Variants in TIPRL observed in about 807,000 individuals in gnomAD.
TIPRL encodes TIP41-like protein.
In TIPRL, 10 loss-of-function variants were observed where a neutral mutation model predicts 32.3. The ratio of observed to expected loss-of-function variants is 0.31; its 90% CI spans 0.19 to 0.52. The LOEUF is 0.52. TIPRL is among the 20% of genes least tolerant of loss of function. The probability of loss-of-function intolerance (pLI) is 0.96; values close to 1 mark genes in which losing one functional copy is unlikely to be tolerated. For synonymous variants in TIPRL, 100 were observed against 114.0 expected, an observed-to-expected ratio of 0.88 and a Z score of 0.78; for missense variants, 250 against 328.1, an observed-to-expected ratio of 0.76 and a Z score of 1.84.
In TIPRL at chr1:168,196,527, A is replaced by AT; in HGVS notation, c.517-20_517-19insT. 7.6e-7 allele frequency: 1 copy of AT among 1,316,972 alleles called. No homozygotes were observed. The highest frequency in any genetic ancestry group is 1.0e-6 in the Non-Finnish European group (1 of 991,080). 81.6% of individuals were successfully genotyped at this position (1,316,972 alleles called of 1,614,324 possible). A position where few individuals can be genotyped will look rare whatever the true frequency, so the allele number is the denominator to read the frequency against. ...TTAATTTTTATTAAAATATTAATGT[A>AT]CCTTTTTTTTTTTTTCCAGAGAGTA... On this transcript the variant is annotated intron_variant, in intron 4 of 6. Transcript: ENST00000367833.
intron 1 of TIPRL, among the ~76,000 whole-genome samples, chr1:168,179,718 C>T (rs1699937505): frequency 2.0e-5 from 3 of 152,124 alleles, no homozygotes; most frequent in Admixed American, 2.0e-4. Context: ...CTCGAACCAT[C>T]TGGGAAATTG....
chr1:168,193,395 C>T (rs1183559563), intron 4 of TIPRL, among the ~76,000 whole-genome samples: 1 of 152,148 alleles, frequency 6.6e-6, no homozygotes, highest in East Asian at 1.9e-4. Context: ...ATTATTCTAG[C>T]ATTAGATAGT....
At chr1:168,189,928 A>G (rs2235208) in intron 3 of TIPRL, among the ~76,000 whole-genome samples, 72,724 of 152,082 alleles carry the variant, frequency 0.48, 20,622 homozygotes, top group African/African-American at 0.79. Context: ...TATGTGAAAC[A>G]TTAATGAAGC....
intron 3 of TIPRL, among the ~76,000 whole-genome samples, chr1:168,190,077 C>A (rs1042481110): frequency 6.6e-6 from 1 of 152,168 alleles, no homozygotes; most frequent in African/African-American, 2.4e-5. Flanking sequence ...GTATTTAACA[C>A]TAATTTCAGT....
chr1:168,189,474 T>G (rs919835692), intron 3 of TIPRL, among the ~76,000 whole-genome samples: 2 of 152,072 alleles, frequency 1.3e-5, no homozygotes, highest in African/African-American at 4.8e-5. Flanking sequence ...GCCTCCTGAG[T>G]AGCTGGGATT....
intron 6 of TIPRL, 90 bp from the exon 7 acceptor site, chr1:168,199,813 T>C: frequency 2.9e-6 from 4 of 1,387,522 alleles, no homozygotes; most frequent in Non-Finnish European, 3.9e-6. Context: ...TTTTAAAATT[T>C]CCATGCTTTA....
intron 6 of TIPRL, among the ~76,000 whole-genome samples, 182 bp downstream of exon 6, chr1:168,199,163 G>T (rs570182440): frequency 2.6e-4 from 39 of 152,152 alleles, no homozygotes; most frequent in African/African-American, 8.9e-4. Context: ...TCAAATACAA[G>T]AACATTTAGA....
chr1:168,179,224 G>T, intron 1 of TIPRL, 43 bp downstream of exon 1: 1 of 1,586,022 alleles, frequency 6.3e-7, no homozygotes. Context: ...GCCGGTTGCT[G>T]GCCCAGGGCG....
rs926224879 is a variant in TIPRL, at chr1:168,188,396, T to C, written c.385-2973T>C. 9.8e-5 allele frequency among the ~76,000 whole-genome samples: 15 copies of C among 152,322 alleles called. No individual in the cohort carries two copies. The Middle Eastern group carries it at 0.01, about 104-fold the overall frequency. ...TTTAGGCTTTGTGGGCCTTAGAGTCTCTGTTGCAGCAACTCAGCTGTGCTA... is the reference window on the plus strand; with the variant it reads ...TTTAGGCTTTGTGGGCCTTAGAGTCCCTGTTGCAGCAACTCAGCTGTGCTA... On this transcript the variant is annotated intron_variant, in intron 3 of 6. Coordinates refer to ENST00000367833, the MANE Select transcript of TIPRL (RefSeq NM_152902.5).
chr1:168,187,208 C>T lies in TIPRL; in HGVS notation c.384+2330C>T, dbSNP rs180854125. Among the ~76,000 whole-genome samples the T allele has an allele frequency of 3.7e-3, 563 of 152,280 alleles. 3 individuals are homozygous for T. Among genetic ancestry groups the T allele is most frequent in the Middle Eastern group, 0.017 (5 of 294 alleles). ...TACTTCATAGATTAGTGTTCTCCTC[C>T]CTCCTCTCTTCTGATTGAAAAACTT... On this transcript the variant is annotated intron_variant, in intron 3 of 6. Coordinates refer to ENST00000367833, the MANE Select transcript of TIPRL (RefSeq NM_152902.5).
At chr1:168,189,982 A>G (rs1700072539) in intron 3 of TIPRL, among the ~76,000 whole-genome samples, 1 of 152,176 alleles carries the variant, frequency 6.6e-6, no homozygotes, top group Non-Finnish European at 1.5e-5. Context: ...ATTTTGGGGG[A>G]TTCAGGAGTA....
chr1:168,197,617 T>G (rs1321297616), intron 5 of TIPRL, among the ~76,000 whole-genome samples: 1 of 152,118 alleles, frequency 6.6e-6, no homozygotes, highest in East Asian at 1.9e-4. Flanking sequence ...CTTCCTGAGT[T>G]CAAGCAATTC....
chr1:168,201,831 G>A lies in TIPRL; in HGVS notation c.*1785G>A, dbSNP rs1181090316. ...TATACAGACATTTTTTTTTTAACTT[G>A]TTGATTCAGATGTCTTGGTCCCTGA... On this transcript the variant is annotated 3_prime_UTR_variant, in exon 7 of 7. Coordinates refer to ENST00000367833, the MANE Select transcript of TIPRL (RefSeq NM_152902.5). The A allele has an allele frequency of 2.1e-5, 3 of 146,188 alleles. No homozygotes were observed. Among genetic ancestry groups the A allele is most frequent in the Non-Finnish European group, 4.5e-5 (3 of 66,618 alleles). 9.1% of individuals were successfully genotyped at this position (146,188 alleles called of 1,614,324 possible). A position where few individuals can be genotyped will look rare whatever the true frequency, so the allele number is the denominator to read the frequency against.
chr1:168,199,972 T>G lies in TIPRL; in HGVS notation c.745T>G (p.Cys249Gly), dbSNP rs748631632. The G allele has an allele frequency of 6.2e-7, 1 of 1,613,726 alleles. No individual in the cohort carries two copies. The highest frequency in any genetic ancestry group is 8.5e-7 in the Non-Finnish European group (1 of 1,179,764). Residue 249 changes from cysteine (C) to glycine (G), a missense_variant, in exon 7 of 7, where the codon TGT becomes GGT. Coordinates refer to ENST00000367833, the MANE Select transcript of TIPRL (RefSeq NM_152902.5). ...SQYLPIKEAVCEKLIFPERID... is the reference protein window; with the variant it reads ...SQYLPIKEAVGEKLIFPERID... ...GTATTTACCAATAAAGGAAGCAGTT[T>G]GTGAGAAGCTAATATTTCCAGAAAG...
intron 3 of TIPRL, 152 bp from the exon 4 acceptor site, chr1:168,191,217 A>G (rs761633374): frequency 8.2e-6 from 4 of 490,306 alleles, no homozygotes; most frequent in Admixed American, 4.3e-5. Flanking sequence ...CTGATCTTTT[A>G]TATCTACTAA....
At chr1:168,184,130 CAAAAG>C in intron 2 of TIPRL, 49 bp downstream of exon 2, 1 of 1,529,170 alleles carries the variant, frequency 6.5e-7, no homozygotes, top group African/African-American at 1.4e-5. Context: ...TTAGGTTAAA[CAAAAG>C]AGAAAAGACT....
chr1:168,179,016 G>C lies in TIPRL; in HGVS notation c.-62G>C. ...GGGCCGGAGGGAGGCGGAGGAACCG[G>C]TGTTCGCCGCCGCCGCTGCTTCAGC... On this transcript the variant is annotated 5_prime_UTR_variant, in exon 1 of 7. Coordinates refer to ENST00000367833, the MANE Select transcript of TIPRL (RefSeq NM_152902.5). 2 of 1,455,148 alleles carry C rather than the reference G, an allele frequency of 1.4e-6. No homozygotes were observed. Among genetic ancestry groups the C allele is most frequent in the Non-Finnish European group, 1.9e-6 (2 of 1,055,192 alleles). The allele number at this position is 1,455,148 out of a possible 1,614,324, so 90.1% of individuals were successfully genotyped here. A position where few individuals can be genotyped will look rare whatever the true frequency, so the allele number is the denominator to read the frequency against.
Position 168,189,192 on chromosome 1 carries a change from G to A in TIPRL, c.385-2177G>A, listed in dbSNP as rs557235391. 5.6e-4 allele frequency among the ~76,000 whole-genome samples: 85 copies of A among 152,254 alleles called. No individual in the cohort carries two copies. In the Middle Eastern group the frequency reaches 0.02, roughly 37 times the overall value. On this transcript the variant is annotated intron_variant, in intron 3 of 6. Coordinates refer to ENST00000367833, the MANE Select transcript of TIPRL (RefSeq NM_152902.5). ...AGCCAAGTACAGACTTACTTTTCTC[G>A]GCTCCAGTCTTTCCAGATCTCAGCC...
rs1436275423 is a variant in TIPRL, at chr1:168,178,992, G to T, written c.-86G>T. On this transcript the variant is annotated 5_prime_UTR_variant, in exon 1 of 7. Coordinates refer to ENST00000367833, the MANE Select transcript of TIPRL (RefSeq NM_152902.5). The stretch of plus-strand genomic sequence containing the variant: ...AACGGCTCGGAAGCCTAGGAGGCTG[G>T]GCCGGAGGGAGGCGGAGGAACCGGT... 4 of 1,251,908 alleles carry T rather than the reference G, an allele frequency of 3.2e-6. No homozygotes were observed. The highest frequency in any genetic ancestry group is 2.8e-5 in the South Asian group (2 of 71,092). The allele number at this position is 1,251,908 out of a possible 1,614,324, so 77.5% of individuals were successfully genotyped here.
Sources: allele counts gnomAD v4.1 joint callset (sites outside exome capture counted in the v4.1 genomes callset), GRCh38; gene constraint gnomAD v4.1.1; transcripts MANE v1.5; gene names NCBI Gene and HGNC (gene_info 2026-07-23, HGNC 2026-07-21).